Variants in SGCZ observed in about 807,000 individuals in gnomAD.
SGCZ encodes the protein zeta-sarcoglycan.
In SGCZ, 40 loss-of-function variants were observed where a neutral mutation model predicts 41.3. The observed-to-expected ratio is 0.97, with a 90% CI of 0.75 to 1.26. The LOEUF is 1.26. SGCZ is among the 50% of genes most tolerant of loss of function. The pLI is 0.00. For missense variants in SGCZ, 552 were observed against 369.8 expected (o/e 1.49, Z -4.04); for synonymous variants, 206 against 137.5 (o/e 1.50, Z -3.49).
intron 1 of SGCZ, among the ~76,000 whole-genome samples, chr8:14,779,532 A>C (rs1045301609): frequency 6.6e-6 from 1 of 152,208 alleles, no homozygotes; most frequent in Non-Finnish European, 1.5e-5. Flanking sequence ...ATCTACAAAA[A>C]TTGGAAGAAA....
intron 1 of SGCZ, among the ~76,000 whole-genome samples, chr8:14,582,961 A>G (rs1804941382): frequency 6.6e-6 from 1 of 151,928 alleles, no homozygotes; most frequent in Admixed American, 6.6e-5. Flanking sequence ...TAGTGCCGCA[A>G]TAAAAATACG....
At chr8:14,667,462 G>T (rs1315337248) in intron 1 of SGCZ, among the ~76,000 whole-genome samples, 1 of 152,136 alleles carries the variant, frequency 6.6e-6, no homozygotes, top group African/African-American at 2.4e-5. Flanking sequence ...ATAAAAGCTT[G>T]TCGTACCACA....
Position 15,237,665 on chromosome 8 carries a change from C to G in SGCZ, c.-42G>C. 1 of 1,560,296 alleles carries G rather than the reference C, an allele frequency of 6.4e-7. No individual in the cohort carries two copies. The highest frequency in any genetic ancestry group is 1.7e-4 in the Middle Eastern group (1 of 5,996). On this transcript the variant is annotated 5_prime_UTR_variant, in exon 1 of 8. Coordinates refer to ENST00000382080, the MANE Select transcript of SGCZ (RefSeq NM_139167.4). The stretch of plus-strand genomic sequence containing the variant: ...AAGTGGAGAGGAACCGGGCGAGTGG[C>G]ACCCAAAAACAATCTAGTCTTTTAG...
chr8:14,450,406 G>T (rs144880359), intron 2 of SGCZ, among the ~76,000 whole-genome samples: 1 of 152,186 alleles, frequency 6.6e-6, no homozygotes, highest in African/African-American at 2.4e-5. Context: ...AGTCAGCACA[G>T]CCCAACATAA....
At chr8:14,853,671 G>C (rs1384154115) in intron 1 of SGCZ, among the ~76,000 whole-genome samples, 1 of 152,098 alleles carries the variant, frequency 6.6e-6, no homozygotes, top group Non-Finnish European at 1.5e-5. Context: ...GCAGTTCCTA[G>C]AATGACAACG....
Position 14,892,534 on chromosome 8 carries a change from CT to C in SGCZ, c.40-337609del, listed in dbSNP as rs974219465. On this transcript the variant is annotated intron_variant, in intron 1 of 7. Coordinates refer to ENST00000382080, the MANE Select transcript of SGCZ (RefSeq NM_139167.4). ...TGGATAAAGCCAACATTAACTGTTCCTTTTTTTGGGTAAAACCAAAGTTAAA... is the reference window on the plus strand; with the variant it reads ...TGGATAAAGCCAACATTAACTGTTCCTTTTTTGGGTAAAACCAAAGTTAAA... Among the ~76,000 whole-genome samples the C allele has an allele frequency of 2.1e-4, 32 of 152,108 alleles. 1 individual carries two copies. The highest frequency in any genetic ancestry group is 7.5e-4 in the African/African-American group (31 of 41,506).
intron 5 of SGCZ, among the ~76,000 whole-genome samples, chr8:14,141,375 A>C (rs1040384413): frequency 3.3e-5 from 5 of 152,166 alleles, no homozygotes; most frequent in African/African-American, 4.8e-5. Context: ...TCAGAGTGAA[A>C]AGGCAACCTA....
At chr8:14,190,551 G>T (rs73217598) in intron 4 of SGCZ, among the ~76,000 whole-genome samples, 1 of 151,928 alleles carries the variant, frequency 6.6e-6, no homozygotes, top group Non-Finnish European at 1.5e-5. Flanking sequence ...ATTTCCTTTG[G>T]ATATGTACAC....
intron 2 of SGCZ, among the ~76,000 whole-genome samples, chr8:14,350,136 C>A (rs1468889955): frequency 6.6e-6 from 1 of 151,390 alleles, no homozygotes; most frequent in Admixed American, 6.6e-5. Flanking sequence ...AGAGAAAGGG[C>A]TTAGAGCTTA....
intron 2 of SGCZ, among the ~76,000 whole-genome samples, chr8:14,452,960 G>C (rs928080222): frequency 7.2e-5 from 11 of 152,018 alleles, no homozygotes; most frequent in African/African-American, 2.7e-4. Context: ...AAAATTAGCT[G>C]GGTGTGATAG....
chr8:14,893,981 A>G (rs1451883477), intron 1 of SGCZ, among the ~76,000 whole-genome samples: 9 of 152,288 alleles, frequency 5.9e-5, no homozygotes, highest in Non-Finnish European at 1.2e-4. Context: ...TTTTTAACCC[A>G]GGGCAGAAGT....
At chr8:14,265,778 G>T (rs1306103449) in intron 3 of SGCZ, among the ~76,000 whole-genome samples, 1 of 150,796 alleles carries the variant, frequency 6.6e-6, no homozygotes, top group Non-Finnish European at 1.5e-5. Context: ...CAGAGAGAAT[G>T]AAATAAATTA....
chr8:14,268,201 T>A (rs1373324185), intron 3 of SGCZ, among the ~76,000 whole-genome samples: 1 of 149,372 alleles, frequency 6.7e-6, no homozygotes, highest in Non-Finnish European at 1.5e-5. Flanking sequence ...CGGTAGACTA[T>A]ATATAGAAAT....
intron 1 of SGCZ, among the ~76,000 whole-genome samples, chr8:14,981,753 C>T (rs181346024): frequency 6.6e-6 from 1 of 152,268 alleles, no homozygotes; most frequent in East Asian, 1.9e-4. Flanking sequence ...CTTATAGCCC[C>T]AAAGAACGAG....
intron 1 of SGCZ, among the ~76,000 whole-genome samples, chr8:14,649,263 G>C (rs1185348952): frequency 6.6e-6 from 1 of 152,062 alleles, no homozygotes. Flanking sequence ...TTATTTGTGA[G>C]GTAGAAATAC....
intron 4 of SGCZ, among the ~76,000 whole-genome samples, chr8:14,200,556 A>G (rs996034286): frequency 5.3e-5 from 8 of 152,164 alleles, no homozygotes; most frequent in Admixed American, 5.2e-4. Context: ...GAACATATAA[A>G]ATAAATGATT....
intron 1 of SGCZ, among the ~76,000 whole-genome samples, chr8:14,676,670 G>A (rs1808288093): frequency 6.6e-6 from 1 of 151,978 alleles, no homozygotes; most frequent in Non-Finnish European, 1.5e-5. Flanking sequence ...GCAAAGAAGT[G>A]GAAAAGCATG....
At chr8:14,168,866 C>A (rs937081430) in intron 4 of SGCZ, among the ~76,000 whole-genome samples, 1 of 152,088 alleles carries the variant, frequency 6.6e-6, no homozygotes, top group Non-Finnish European at 1.5e-5. Context: ...TCAAGTTAAC[C>A]ATTTAGCGGA....
chr8:14,411,836 A>T (rs1381152381), intron 2 of SGCZ, among the ~76,000 whole-genome samples: 1 of 152,128 alleles, frequency 6.6e-6, no homozygotes, highest in Non-Finnish European at 1.5e-5. Flanking sequence ...TTTCCAGTAC[A>T]GTAAAAAACA....
Sources: gnomAD v4.1 joint callset for allele counts (sites outside exome capture counted in the v4.1 genomes callset) on GRCh38, gnomAD v4.1.1 for gene constraint, MANE v1.5 for transcripts, NCBI Gene and HGNC (gene_info 2026-07-23, HGNC 2026-07-21) for gene names.